DCAF1: variants seen among roughly 807,000 people sequenced by gnomAD.
The protein encoded by DCAF1 is DDB1 and CUL4 associated factor 1.
Under a neutral mutation model 128.0 loss-of-function variants are expected in DCAF1, and 15 were observed. That is an observed-to-expected ratio of 0.12 (90% CI 0.08 to 0.18). The LOEUF (loss-of-function observed/expected upper bound fraction) is 0.18, where lower values mean the gene tolerates loss of function less well. DCAF1 is among the 10% of genes least tolerant of loss of function. The pLI, the probability that DCAF1 is intolerant of heterozygous loss-of-function variation, is 1.00. For missense variants in DCAF1, 988 were observed against 1,649.5 expected (o/e 0.60, Z 6.95); for synonymous variants, 610 against 603.0 (o/e 1.01, Z -0.17).
upstream of DCAF1, among the ~76,000 whole-genome samples, chr3:51,504,873 G>A (rs1211310936): frequency 1.3e-5 from 2 of 152,082 alleles, no homozygotes; most frequent in African/African-American, 4.8e-5. Flanking sequence ...CAGCACTTAG[G>A]GAGGCTGAGG....
chr3:51,444,821 A>G (rs4687803), intron 6 of DCAF1, among the ~76,000 whole-genome samples: 11,211 of 151,252 alleles, frequency 0.074, 960 homozygotes, highest in East Asian at 0.33. Context: ...GACTACAGGC[A>G]CCCGCCACCA....
intron 2 of DCAF1, among the ~76,000 whole-genome samples, chr3:51,486,392 C>T (rs187617681): frequency 6.6e-6 from 1 of 151,712 alleles, no homozygotes; most frequent in East Asian, 1.9e-4. Context: ...GGTGGGGTCT[C>T]ACTGTTGCCC....
At chr3:51,470,214 AATT>A (rs1704580072) in intron 4 of DCAF1, among the ~76,000 whole-genome samples, 1 of 152,114 alleles carries the variant, frequency 6.6e-6, no homozygotes, top group South Asian at 2.1e-4. Flanking sequence ...TTTAGAGGAT[AATT>A]ATTATTAGAA....
chr3:51,456,590 G>A (rs1206927477), intron 6 of DCAF1, among the ~76,000 whole-genome samples: 1 of 152,214 alleles, frequency 6.6e-6, no homozygotes, highest in Non-Finnish European at 1.5e-5. Context: ...TGCAGCTTGA[G>A]ATCTGAGAAC....
chr3:51,504,827 G>A (rs1178041841), upstream of DCAF1, among the ~76,000 whole-genome samples: 1 of 152,098 alleles, frequency 6.6e-6, no homozygotes, highest in African/African-American at 2.4e-5. Context: ...TTTCAAGAAG[G>A]CCTGGGCCTG....
intron 2 of DCAF1, among the ~76,000 whole-genome samples, chr3:51,485,576 C>T (rs968910385): frequency 7.2e-5 from 11 of 152,176 alleles, no homozygotes; most frequent in Non-Finnish European, 8.8e-5. Flanking sequence ...TATTCTGCCA[C>T]GCAAAATGCG....
intron 6 of DCAF1, among the ~76,000 whole-genome samples, chr3:51,452,156 C>T (rs1702423496): frequency 1.3e-5 from 2 of 152,006 alleles, no homozygotes; most frequent in Non-Finnish European, 2.9e-5. Context: ...CCCAAGCAAT[C>T]TTCCCACCTC....
chr3:51,487,345 C>G (rs1234698345), intron 2 of DCAF1, among the ~76,000 whole-genome samples: 1 of 152,172 alleles, frequency 6.6e-6, no homozygotes, highest in Non-Finnish European at 1.5e-5. Flanking sequence ...TTCCCACATA[C>G]CTCTCACCCA....
At chr3:51,460,950 T>A (rs1559540303) in intron 6 of DCAF1, among the ~76,000 whole-genome samples, 1 of 151,966 alleles carries the variant, frequency 6.6e-6, no homozygotes, top group Non-Finnish European at 1.5e-5. Flanking sequence ...CCTAAAACCA[T>A]AAAAACCCTA....
intron 3 of DCAF1, among the ~76,000 whole-genome samples, chr3:51,482,764 CAAAAA>C (rs797042469): frequency 1.0e-4 from 3 of 29,988 alleles, no homozygotes; most frequent in African/African-American, 1.2e-4. Context: ...CACTCCATCT[CAAAAA>C]AAAAAAAAAA....
intron 8 of DCAF1, 80 bp from the exon 9 acceptor site, chr3:51,441,151 G>T: frequency 7.4e-7 from 1 of 1,358,552 alleles, no homozygotes; most frequent in Middle Eastern, 1.8e-4. Context: ...GAGGATAGAA[G>T]CCTAAAGAAA....
At chr3:51,422,811 C>T (rs1553632946) in intron 13 of DCAF1, among the ~76,000 whole-genome samples, 9 of 152,110 alleles carry the variant, frequency 5.9e-5, no homozygotes. Flanking sequence ...AGCCTATAAT[C>T]CCAACACTTT....
At chr3:51,444,522 TG>T (rs1159239113) in intron 6 of DCAF1, among the ~76,000 whole-genome samples, 1 of 152,138 alleles carries the variant, frequency 6.6e-6, no homozygotes, top group Non-Finnish European at 1.5e-5. Context: ...AGCTAATTTT[TG>T]TATTTTTTAG....
chr3:51,407,814 C>G (rs1698009357), intron 23 of DCAF1, among the ~76,000 whole-genome samples: 1 of 151,726 alleles, frequency 6.6e-6, no homozygotes, highest in African/African-American at 2.4e-5. Flanking sequence ...ATGGTGAAAC[C>G]CCATCTCTAC....
At chr3:51,426,033 T>C (rs1407064712) in intron 13 of DCAF1, among the ~76,000 whole-genome samples, 9 of 152,212 alleles carry the variant, frequency 5.9e-5, no homozygotes, top group African/African-American at 2.2e-4. Flanking sequence ...GTCACTTTCC[T>C]TTTGCACTCT....
At chr3:51,401,498 C>T (rs934871631) in intron 24 of DCAF1, among the ~76,000 whole-genome samples, 3 of 152,176 alleles carry the variant, frequency 2.0e-5, no homozygotes, top group Non-Finnish European at 2.9e-5. Context: ...CACTCTGAGA[C>T]GTCCTCAAGT....
Position 51,420,245 on chromosome 3 carries a change from T to C in DCAF1, c.2725A>G (p.Ile909Val). 1.2e-6 allele frequency: 2 copies of C among 1,613,948 alleles called. No homozygotes were observed. Among genetic ancestry groups the C allele is most frequent in the Non-Finnish European group, 8.5e-7 (1 of 1,179,892 alleles). ...LPRTPRIANGIATRLGSHAAV... is the reference protein window; with the variant it reads ...LPRTPRIANGVATRLGSHAAV... ...GCATGGCTGCCCAGACGAGTTGCAA[T>C]GCCATTAGCGATACGAGGGGTTCGG... is the stretch of plus-strand genomic sequence containing the variant. The change falls in exon 15 of 25, where the codon ATT becomes GTT. Residue 909 changes from isoleucine to valine, a missense_variant. Around this residue, in one of 11 missense-constraint regions of DCAF1, gnomAD observed 88 missense variants for 107.7 expected, o/e 0.82. Transcript: ENST00000684031. This position sits in a 1 kb window ranked among gnomAD's most constrained non-coding sequence, Gnocchi z 6.5.
At chr3:51,466,913 G>T in intron 4 of DCAF1, 37 bp from the exon 5 acceptor site, 2 of 1,601,490 alleles carry the variant, frequency 1.2e-6, no homozygotes, top group South Asian at 2.2e-5. Flanking sequence ...ACAAAGGAAT[G>T]AGTAAGTCAT....
chr3:51,435,109 T>C (rs1317705817), intron 9 of DCAF1, among the ~76,000 whole-genome samples: 1 of 152,202 alleles, frequency 6.6e-6, no homozygotes, highest in African/African-American at 2.4e-5. Context: ...CTTCTATCAT[T>C]AACCTACTTT....
Sources: gnomAD v4.1 joint callset for allele counts (sites outside exome capture counted in the v4.1 genomes callset) on GRCh38, gnomAD v4.1.1 for gene constraint, gnomAD v4.1.1 regional missense constraint, Gnocchi (gnomAD v3.1) non-coding constraint, MANE v1.5 for transcripts, NCBI Gene and HGNC (gene_info 2026-07-23, HGNC 2026-07-21) for gene names.